Variants in ATP9A observed in about 807,000 individuals in gnomAD.
The protein encoded by ATP9A is ATPase phospholipid transporting 9A.
A neutral mutation model predicts 144.1 loss-of-function variants in ATP9A; 52 were observed. The ratio of observed to expected loss-of-function variants is 0.36; its 90% CI spans 0.29 to 0.45. The LOEUF (loss-of-function observed/expected upper bound fraction) is 0.45. Ranked by LOEUF, ATP9A falls within the 20% of genes least tolerant of loss-of-function variation. The pLI is 1.00. For missense variants in ATP9A, 947 were observed against 1,392.7 expected, an observed-to-expected ratio of 0.68 and a Z score of 5.09; for synonymous variants, 582 against 557.4, an observed-to-expected ratio of 1.04 and a Z score of -0.62.
chr20:51,713,610 A>C (rs1183065620), intron 3 of ATP9A, among the ~76,000 whole-genome samples: 2 of 152,214 alleles, frequency 1.3e-5, no homozygotes, highest in African/African-American at 4.8e-5. Flanking sequence ...AGGAAATCTT[A>C]ATCTTTACTG....
chr20:51,640,344 A>G (rs1176745777), intron 14 of ATP9A, among the ~76,000 whole-genome samples: 2 of 152,258 alleles, frequency 1.3e-5, no homozygotes, highest in East Asian at 3.9e-4. Flanking sequence ...ACTTGTCACA[A>G]CTGGAAGGAG....
At chr20:51,627,775 C>T in intron 16 of ATP9A, 92 bp from the exon 17 acceptor site, 1 of 1,036,466 alleles carries the variant, frequency 9.6e-7, no homozygotes. Flanking sequence ...GTGCCCCTCC[C>T]ACAGGGTCAG....
In ATP9A at chr20:51,625,972, A is replaced by G. The variant is rs994687253; in HGVS notation, c.1846-610T>C. 3.9e-5 allele frequency among the ~76,000 whole-genome samples: 6 copies of G among 152,356 alleles called. No individual in the cohort carries two copies. The South Asian group carries it at 8.3e-4, about 21-fold the overall frequency. On this transcript the variant is annotated intron_variant, in intron 17 of 27. Transcript: ENST00000338821. ...CTTACAAAGAACTCAAATATATTAA[A>G]GAGAGATCCAGGCAGTTTCCCCGCA...
At chr20:51,696,071 C>T (rs1241288255) in intron 6 of ATP9A, 22 bp downstream of exon 6, 2 of 1,603,992 alleles carry the variant, frequency 1.2e-6, no homozygotes, top group East Asian at 4.5e-5. Context: ...GGTTATTTTC[C>T]AAATTGATCT....
chr20:51,670,593 G>A (rs1355461202), intron 12 of ATP9A, among the ~76,000 whole-genome samples: 1 of 152,122 alleles, frequency 6.6e-6, no homozygotes, highest in African/African-American at 2.4e-5. Flanking sequence ...AGCCGCCCAG[G>A]ATCTTTGCAT....
chr20:51,638,087 ATATATATATATATATAT>A lies in ATP9A; in HGVS notation c.1668+1239_1668+1255del, dbSNP rs1568797058. 3.1e-4 allele frequency among the ~76,000 whole-genome samples: 11 copies of A among 35,590 alleles called. 1 individual carries two copies. Among genetic ancestry groups the A allele is most frequent in the Non-Finnish European group, 5.1e-4 (9 of 17,724 alleles). The allele number at this position is 35,590 out of a possible 152,430, so 23.3% of individuals were successfully genotyped here. Reference sequence around the variant, plus strand: ...TTCATCATTTTATATATATATATATATATATATATATATATATATATATATATATATATATATCTCAT... The same window carrying A: ...TTCATCATTTTATATATATATATATAATATATATATATATATATATCTCAT... On this transcript the variant is annotated intron_variant, in intron 15 of 27. Coordinates refer to ENST00000338821, the MANE Select transcript of ATP9A (RefSeq NM_006045.3).
chr20:51,727,995 C>G (rs534009527), intron 2 of ATP9A, among the ~76,000 whole-genome samples: 1 of 151,910 alleles, frequency 6.6e-6, no homozygotes, highest in African/African-American at 2.4e-5. Context: ...CAGTCAAATC[C>G]TCCCCTGGGG....
In ATP9A at chr20:51,656,941, A is replaced by G. The variant is rs1177307875; in HGVS notation, c.1503T>C (p.Asp501=). The G allele has an allele frequency of 6.2e-7, 1 of 1,613,522 alleles. No individual in the cohort carries two copies. The highest frequency in any genetic ancestry group is 8.5e-7 in the Non-Finnish European group (1 of 1,179,826). ...TGCTGCACCTGCCCAGGTTTACCTC[A>G]TCGGGGCTGGATGCCTGGTATACGC... ...SCRVYQASSP[D]EVALVQWTES... is the part of the protein sequence containing the mutation. The change falls in exon 14 of 28, where the codon GAT becomes GAC. Residue 501 remains aspartate (D), a synonymous_variant. Coordinates refer to ENST00000338821, the MANE Select transcript of ATP9A (RefSeq NM_006045.3).
chr20:51,611,548 G>T lies in ATP9A; in HGVS notation c.2572-1383C>A, dbSNP rs1455592299. Among the ~76,000 whole-genome samples the T allele has an allele frequency of 1.3e-5, 2 of 152,116 alleles. No homozygotes were observed. The highest frequency in any genetic ancestry group is 3.9e-4 in the East Asian group (2 of 5,194). ...CCCGGTGCAATTCTAACTGGGACTTGCTCTCGGCCATTTTCAGCACAGTGG... is the reference window on the plus strand; with the variant it reads ...CCCGGTGCAATTCTAACTGGGACTTTCTCTCGGCCATTTTCAGCACAGTGG... On this transcript the variant is annotated intron_variant, in intron 23 of 27. Coordinates refer to ENST00000338821, the MANE Select transcript of ATP9A (RefSeq NM_006045.3). The surrounding 1 kb of genome is among the most constrained non-coding windows in gnomAD (Gnocchi z 4.2).
chr20:51,644,855 T>C (rs2077335769), intron 14 of ATP9A, among the ~76,000 whole-genome samples: 1 of 152,132 alleles, frequency 6.6e-6, no homozygotes, highest in Admixed American at 6.6e-5. Flanking sequence ...GCCCTGAAAA[T>C]ATGTGAAAAG....
chr20:51,720,295 C>T (rs1018137192), intron 3 of ATP9A, among the ~76,000 whole-genome samples: 1 of 152,158 alleles, frequency 6.6e-6, no homozygotes, highest in Non-Finnish European at 1.5e-5. Context: ...TGTAGACCAA[C>T]TTTGTTAAAG....
At chr20:51,625,402 G>A (rs763149861) in intron 17 of ATP9A, 40 bp from the exon 18 acceptor site, 1 of 1,582,394 alleles carries the variant, frequency 6.3e-7, no homozygotes, top group Non-Finnish European at 8.6e-7. Context: ...CTTAGGGTGA[G>A]GAGAGGCCAG....
chr20:51,761,537 A>G (rs535749382), intron 1 of ATP9A, among the ~76,000 whole-genome samples: 5 of 152,158 alleles, frequency 3.3e-5, no homozygotes, highest in Admixed American at 6.5e-5. Flanking sequence ...CAAGGCGGGC[A>G]GATCACGAGG....
intron 1 of ATP9A, among the ~76,000 whole-genome samples, chr20:51,767,636 G>A (rs2122930813): frequency 6.6e-6 from 1 of 152,336 alleles, no homozygotes; most frequent in East Asian, 1.9e-4. Context: ...TGTCCCAGCC[G>A]TGGGATTCCT....
At chr20:51,651,542 CA>C (rs2077366806) in intron 14 of ATP9A, among the ~76,000 whole-genome samples, 1 of 151,496 alleles carries the variant, frequency 6.6e-6, no homozygotes, top group Non-Finnish European at 1.5e-5. Context: ...TAGTTATCGC[CA>C]GGTGGCAAGA....
At chr20:51,767,273 C>A (rs1292999922) in intron 1 of ATP9A, among the ~76,000 whole-genome samples, 3 of 152,166 alleles carry the variant, frequency 2.0e-5, no homozygotes, top group African/African-American at 7.2e-5. Flanking sequence ...CTCAGCCTCC[C>A]GCGGGCTCCA....
At chr20:51,608,144 G>A (rs1158739141) in intron 25 of ATP9A, among the ~76,000 whole-genome samples, 1 of 151,684 alleles carries the variant, frequency 6.6e-6, no homozygotes, top group Non-Finnish European at 1.5e-5. Flanking sequence ...TTATACACCT[G>A]CCTAGGCACA....
chr20:51,716,430 TTACAAAAAC>T (rs1365535578), intron 3 of ATP9A, among the ~76,000 whole-genome samples: 3 of 149,518 alleles, frequency 2.0e-5, no homozygotes, highest in Non-Finnish European at 4.4e-5. Flanking sequence ...GACCCCATCT[TTACAAAAAC>T]TACAAAAAGA....
At chr20:51,739,370 A>C in intron 1 of ATP9A, among the ~76,000 whole-genome samples, 1 of 98,292 alleles carries the variant, frequency 1.0e-5, no homozygotes, top group African/African-American at 4.1e-5. Context: ...TTTTTTTTTG[A>C]GATGGAGTCT....
Sources: allele counts gnomAD v4.1 joint callset (sites outside exome capture counted in the v4.1 genomes callset), GRCh38; gene constraint gnomAD v4.1.1; non-coding constraint Gnocchi (gnomAD v3.1); transcripts MANE v1.5; gene names NCBI Gene and HGNC (gene_info 2026-07-23, HGNC 2026-07-21).